Variants in IRAK2 observed in about 807,000 individuals in gnomAD.
IRAK2 encodes interleukin 1 receptor associated kinase 2.
In IRAK2, 57 loss-of-function variants were observed where a neutral mutation model predicts 72.0. The ratio of observed to expected loss-of-function variants is 0.79; its 90% CI spans 0.64 to 0.99. IRAK2 has a LOEUF of 0.99. IRAK2 is among the 50% of genes least tolerant of loss of function. The pLI is 0.00. For missense variants in IRAK2, 790 were observed against 794.4 expected, an observed-to-expected ratio of 0.99 and a Z score of 0.07; for synonymous variants, 293 against 312.7, an observed-to-expected ratio of 0.94 and a Z score of 0.67.
chr3:10,186,068 T>TCTA lies in IRAK2; in HGVS notation c.277+8049_277+8050insTAC, dbSNP rs1553623420. The stretch of plus-strand genomic sequence containing the variant: ...CTGGGTGACAGAGCAAGACTCCGTC[T>TCTA]CAACAACAACAACAACAACAACAAA... On this transcript the variant is annotated intron_variant, in intron 2 of 12. Transcript: ENST00000256458. Among the ~76,000 whole-genome samples the TCTA allele has an allele frequency of 1.3e-3, 190 of 151,092 alleles. 6 individuals carry two copies. Among genetic ancestry groups the TCTA allele is most frequent in the African/African-American group, 4.3e-3 (176 of 40,632 alleles).
chr3:10,200,644 A>C, intron 3 of IRAK2, 129 bp downstream of exon 3: 1 of 724,956 alleles, frequency 1.4e-6, no homozygotes, highest in Non-Finnish European at 2.1e-6. Flanking sequence ...CATGCCTATA[A>C]TCCCAGCTCC....
At chr3:10,210,220 C>T (rs1032862386) in intron 4 of IRAK2, among the ~76,000 whole-genome samples, 4 of 152,096 alleles carry the variant, frequency 2.6e-5, no homozygotes, top group Non-Finnish European at 1.5e-5. Flanking sequence ...TGCACCCGGC[C>T]ATTATTTTCT....
intron 3 of IRAK2, among the ~76,000 whole-genome samples, chr3:10,201,021 T>C (rs1697351965): frequency 6.6e-6 from 1 of 152,150 alleles, no homozygotes; most frequent in Non-Finnish European, 1.5e-5. Flanking sequence ...ATACTGACAA[T>C]ATCGGGAGGT....
chr3:10,188,655 T>C lies in IRAK2; in HGVS notation c.277+10635T>C, dbSNP rs918181199. Among the ~76,000 whole-genome samples the C allele has an allele frequency of 1.3e-3, 205 of 152,302 alleles. 1 individual carries two copies. Among genetic ancestry groups the C allele is most frequent in the African/African-American group, 4.5e-3 (188 of 41,556 alleles). Reference sequence around the variant, plus strand: ...GATTCTCCTGCCTGAGCCTCCCGAGTAGCTGGGATTACAGGCATGCGCCAC... The same window carrying C: ...GATTCTCCTGCCTGAGCCTCCCGAGCAGCTGGGATTACAGGCATGCGCCAC... On this transcript the variant is annotated intron_variant, in intron 2 of 12. Transcript: ENST00000256458.
In IRAK2 at chr3:10,221,219, C is replaced by T. The variant is rs1344251606; in HGVS notation, c.1014-1417C>T. On this transcript the variant is annotated intron_variant, in intron 8 of 12. Coordinates refer to ENST00000256458, the MANE Select transcript of IRAK2 (RefSeq NM_001570.4). ...CATCCTGGCTAACACGGTGAAACCT[C>T]GTCTCTACTAAAAATACCAAAAAAA... Among the ~76,000 whole-genome samples, 4 of 142,770 alleles carry T rather than the reference C, an allele frequency of 2.8e-5. No individual in the cohort carries two copies. In the Admixed American group the frequency reaches 2.9e-4, roughly 10 times the overall value. 93.7% of individuals were successfully genotyped at this position (142,770 alleles called of 152,430 possible).
intron 4 of IRAK2, among the ~76,000 whole-genome samples, chr3:10,211,595 G>C (rs1030780889): frequency 6.6e-6 from 1 of 152,080 alleles, no homozygotes; most frequent in Non-Finnish European, 1.5e-5. Flanking sequence ...CTCCAGCCTT[G>C]GTGTCAAAGT....
chr3:10,164,951 T>A lies in IRAK2; in HGVS notation c.-4T>A. ...CCGCGCCGGAGCCGGCCCCGTAGCG[T>A]GCCATGGCCTGCTACATCTACCAGC... On this transcript the variant is annotated 5_prime_UTR_variant, in exon 1 of 13. Coordinates refer to ENST00000256458, the MANE Select transcript of IRAK2 (RefSeq NM_001570.4). 2 of 1,602,230 alleles carry A rather than the reference T, an allele frequency of 1.2e-6. No homozygotes were observed. Among genetic ancestry groups the A allele is most frequent in the Non-Finnish European group, 1.7e-6 (2 of 1,174,472 alleles).
chr3:10,203,593 G>C (rs1204818893), intron 3 of IRAK2, among the ~76,000 whole-genome samples: 2 of 152,010 alleles, frequency 1.3e-5, no homozygotes. Context: ...TGCAGTAGGT[G>C]GGAAGGAAGT....
rs1234833666 is a variant in IRAK2, at chr3:10,222,775, G to C, written c.1153G>C (p.Asp385His). Residue 385 changes from aspartate to histidine, a missense_variant, in exon 9 of 13, where the codon GAT becomes CAT. Physicochemically the swap from Asp to His is moderately conservative, Grantham distance 81. Transcript: ENST00000256458. The part of the protein sequence containing the change: ...LRTSAAYLPE[D>H]FIRVGQLTKR... ...GACGTCAGCCGCGTATCTGCCAGAG[G>C]ATTTCATCCGGGTGGGGCAGCTGAC... The C allele has an allele frequency of 1.9e-6, 3 of 1,614,214 alleles. No homozygotes were observed. The highest frequency in any genetic ancestry group is 2.5e-6 in the Non-Finnish European group (3 of 1,180,044).
intron 2 of IRAK2, among the ~76,000 whole-genome samples, chr3:10,179,834 T>C (rs1696935201): frequency 6.6e-6 from 1 of 151,972 alleles, no homozygotes; most frequent in Non-Finnish European, 1.5e-5. Context: ...CCTCCCAAAG[T>C]GCTGGGATTA....
At chr3:10,214,991 G>A (rs1365178182) in intron 6 of IRAK2, among the ~76,000 whole-genome samples, 1 of 152,016 alleles carries the variant, frequency 6.6e-6, no homozygotes, top group African/African-American at 2.4e-5. Context: ...CTACTCAGGA[G>A]GCTGATGGGA....
chr3:10,215,604 T>G (rs1697592948), intron 6 of IRAK2, among the ~76,000 whole-genome samples: 1 of 152,108 alleles, frequency 6.6e-6, no homozygotes, highest in South Asian at 2.1e-4. Context: ...CAGGTTGGTT[T>G]TGAACTCCCT....
chr3:10,203,833 A>G lies in IRAK2; in HGVS notation c.424+3318A>G, dbSNP rs760655638. 2.0e-5 allele frequency among the ~76,000 whole-genome samples: 3 copies of G among 152,042 alleles called. No homozygotes were observed. In the South Asian group the frequency reaches 6.2e-4, roughly 32 times the overall value. Reference sequence around the variant, plus strand: ...TTTTTAGTAGAGACGGGGTTTCACCATGTTGACCAGGATGGTCTTGATCTC... The same window carrying G: ...TTTTTAGTAGAGACGGGGTTTCACCGTGTTGACCAGGATGGTCTTGATCTC... On this transcript the variant is annotated intron_variant, in intron 3 of 12. Coordinates refer to ENST00000256458, the MANE Select transcript of IRAK2 (RefSeq NM_001570.4).
chr3:10,188,943 G>A (rs762960350), intron 2 of IRAK2, among the ~76,000 whole-genome samples: 2 of 152,260 alleles, frequency 1.3e-5, no homozygotes, highest in Admixed American at 6.5e-5. Context: ...TTATAGGCAT[G>A]AGCCACTGCG....
intron 6 of IRAK2, among the ~76,000 whole-genome samples, chr3:10,214,579 T>A (rs1441662990): frequency 6.6e-6 from 1 of 151,214 alleles, no homozygotes; most frequent in Non-Finnish European, 1.5e-5. Flanking sequence ...GAAACACTTG[T>A]GCCTTATATT....
At chr3:10,187,675 G>A (rs1252159191) in intron 2 of IRAK2, among the ~76,000 whole-genome samples, 1 of 152,162 alleles carries the variant, frequency 6.6e-6, no homozygotes, top group African/African-American at 2.4e-5. Context: ...GCTCTGATAC[G>A]TCCTGCAGCA....
At chr3:10,220,491 G>A (rs1156521289) in intron 8 of IRAK2, among the ~76,000 whole-genome samples, 1 of 151,976 alleles carries the variant, frequency 6.6e-6, no homozygotes, top group African/African-American at 2.4e-5. Flanking sequence ...CACCCAGGCT[G>A]AAATGCAGTG....
intron 10 of IRAK2, among the ~76,000 whole-genome samples, chr3:10,229,111 T>A (rs1697822410): frequency 6.6e-6 from 1 of 152,016 alleles, no homozygotes; most frequent in Non-Finnish European, 1.5e-5. Context: ...TTTTTGTATT[T>A]TTTTTAGTAG....
At chr3:10,182,148 A>G (rs1696969162) in intron 2 of IRAK2, among the ~76,000 whole-genome samples, 1 of 151,534 alleles carries the variant, frequency 6.6e-6, no homozygotes, top group Admixed American at 6.6e-5. Flanking sequence ...TTGTATTTTC[A>G]GTAGAGACGG....
Sources: gnomAD v4.1 joint callset for allele counts (sites outside exome capture counted in the v4.1 genomes callset) on GRCh38, gnomAD v4.1.1 for gene constraint, MANE v1.5 for transcripts, NCBI Gene and HGNC (gene_info 2026-07-23, HGNC 2026-07-21) for gene names.